Variants in UCHL3 observed in about 807,000 individuals in gnomAD.
The protein encoded by UCHL3 is ubiquitin C-terminal hydrolase L3.
A neutral mutation model predicts 35.8 loss-of-function variants in UCHL3; 22 were observed. The ratio of observed to expected loss-of-function variants is 0.61; its 90% CI spans 0.44 to 0.88. The LOEUF (loss-of-function observed/expected upper bound fraction) is 0.88, where lower values mean the gene tolerates loss of function less well. UCHL3 is among the 40% of genes least tolerant of loss of function. UCHL3 has a pLI of 0.00. For synonymous variants in UCHL3, 90 were observed against 92.8 expected (o/e 0.97, Z 0.17); for missense variants, 229 against 276.9 (o/e 0.83, Z 1.23).
intron 2 of UCHL3, among the ~76,000 whole-genome samples, chr13:75,552,225 T>C (rs35631959): frequency 0.11 from 16,824 of 152,246 alleles, 1,176 homozygotes; most frequent in Non-Finnish European, 0.16. Context: ...ATTTTGTGGT[T>C]GTTTCTTTAT....
chr13:75,603,507 A>G (rs2032837749), intron 7 of UCHL3, among the ~76,000 whole-genome samples: 1 of 152,092 alleles, frequency 6.6e-6, no homozygotes, highest in African/African-American at 2.4e-5. Context: ...GAAAAAATAT[A>G]TATTAATTTA....
intron 2 of UCHL3, among the ~76,000 whole-genome samples, chr13:75,559,745 A>G (rs1049565318): frequency 2.6e-5 from 4 of 152,214 alleles, no homozygotes; most frequent in Non-Finnish European, 4.4e-5. Flanking sequence ...AGACCAGCAA[A>G]TACTATAATG....
At chr13:75,564,205 C>T (rs1015783213) in intron 3 of UCHL3, among the ~76,000 whole-genome samples, 2 of 151,468 alleles carry the variant, frequency 1.3e-5, no homozygotes, top group Non-Finnish European at 1.5e-5. Context: ...GGCTGGAGTG[C>T]AGTGGTGCGA....
At chr13:75,590,099 A>C (rs1192510533) in intron 6 of UCHL3, 1 of 1,303,328 alleles carries the variant, frequency 7.7e-7, no homozygotes, top group Non-Finnish European at 1.0e-6. Context: ...GACCCTTCTT[A>C]CGTCTACCAT....
chr13:75,575,948 T>A (rs2032009158), intron 6 of UCHL3, among the ~76,000 whole-genome samples: 1 of 151,788 alleles, frequency 6.6e-6, no homozygotes, highest in Non-Finnish European at 1.5e-5. Flanking sequence ...GACGGGGTTT[T>A]GCCATGTTGG....
intron 2 of UCHL3, among the ~76,000 whole-genome samples, chr13:75,553,616 ATG>A (rs568571934): frequency 1.6e-3 from 244 of 151,870 alleles, no homozygotes; most frequent in African/African-American, 5.7e-3. Flanking sequence ...CATCTTTTTT[ATG>A]TGTTTTCTTG....
chr13:75,587,214 C>A (rs1443588029), intron 6 of UCHL3, among the ~76,000 whole-genome samples: 2 of 151,776 alleles, frequency 1.3e-5, no homozygotes, highest in Non-Finnish European at 2.9e-5. Context: ...GAGATCATGA[C>A]TTTTTAAATA....
chr13:75,561,881 G>GTATATACA (rs1566211707), intron 3 of UCHL3, among the ~76,000 whole-genome samples: 1 of 150,156 alleles, frequency 6.7e-6, no homozygotes, highest in Admixed American at 6.6e-5. Flanking sequence ...ACGTATATAC[G>GTATATACA]TATACATATA....
chr13:75,592,830 A>C (rs1258688229), intron 6 of UCHL3, among the ~76,000 whole-genome samples: 1 of 152,088 alleles, frequency 6.6e-6, no homozygotes, highest in African/African-American at 2.4e-5. Context: ...GAGTCACTAC[A>C]TTTGGTAATT....
At chr13:75,600,689 A>C (rs1235021869) in intron 7 of UCHL3, among the ~76,000 whole-genome samples, 3 of 152,248 alleles carry the variant, frequency 2.0e-5, no homozygotes, top group African/African-American at 7.2e-5. Flanking sequence ...AAGAAGTCCG[A>C]TATAGATATA....
chr13:75,600,774 T>TA (rs1465048847), intron 7 of UCHL3, among the ~76,000 whole-genome samples: 12 of 152,256 alleles, frequency 7.9e-5, no homozygotes, highest in African/African-American at 2.9e-4. Flanking sequence ...AGGAATCATT[T>TA]AGACTTTCAT....
At chr13:75,567,009 A>G (rs865838741) in intron 4 of UCHL3, among the ~76,000 whole-genome samples, 158 bp downstream of exon 4, 10 of 152,354 alleles carry the variant, frequency 6.6e-5, no homozygotes, top group South Asian at 4.1e-4. Context: ...AGAAATATTA[A>G]TCCTTCTCAT....
At chr13:75,569,607 TAGAA>T (rs1268529639) in intron 6 of UCHL3, 100 bp downstream of exon 6, 1 of 1,145,406 alleles carries the variant, frequency 8.7e-7, no homozygotes, top group Non-Finnish European at 1.2e-6. Context: ...CATAAAGTTT[TAGAA>T]AGTTACTTGG....
chr13:75,592,354 A>T (rs1205825708), intron 6 of UCHL3, among the ~76,000 whole-genome samples: 1 of 142,666 alleles, frequency 7.0e-6, no homozygotes, highest in African/African-American at 2.6e-5. Context: ...TGTCAATATC[A>T]GGCAGCAGCT....
chr13:75,591,329 G>A (rs1386541041), intron 6 of UCHL3, among the ~76,000 whole-genome samples: 7 of 151,956 alleles, frequency 4.6e-5, no homozygotes, highest in Admixed American at 2.0e-4. Context: ...ATTGGGTCAC[G>A]ACATTCTTCA....
chr13:75,557,765 G>A (rs776748755), intron 2 of UCHL3, among the ~76,000 whole-genome samples: 1 of 152,118 alleles, frequency 6.6e-6, no homozygotes, highest in African/African-American at 2.4e-5. Context: ...CTATAGATTT[G>A]TAACTTACAG....
intron 6 of UCHL3, among the ~76,000 whole-genome samples, chr13:75,592,287 T>C (rs1246183010): frequency 3.3e-5 from 5 of 149,540 alleles, no homozygotes; most frequent in Non-Finnish European, 5.9e-5. Context: ...ACTAAAAGAG[T>C]AGGATCCTTA....
chr13:75,568,693 T>A (rs1437977856), intron 5 of UCHL3, among the ~76,000 whole-genome samples: 2 of 152,002 alleles, frequency 1.3e-5, no homozygotes, highest in Non-Finnish European at 2.9e-5. Context: ...ACTATTTTAA[T>A]AAATACTGCA....
At chr13:75,570,546 T>A (rs898289066) in intron 6 of UCHL3, among the ~76,000 whole-genome samples, 2 of 152,168 alleles carry the variant, frequency 1.3e-5, no homozygotes, top group African/African-American at 4.8e-5. Flanking sequence ...GAAACCACAC[T>A]TTTTCATGTA....
Sources: gnomAD v4.1 joint callset for allele counts (sites outside exome capture counted in the v4.1 genomes callset) on GRCh38, gnomAD v4.1.1 for gene constraint, MANE v1.5 for transcripts, NCBI Gene and HGNC (gene_info 2026-07-23, HGNC 2026-07-21) for gene names.